Variants in ANKFN1 observed in about 807,000 individuals in gnomAD.
ANKFN1 encodes ankyrin repeat and fibronectin type-III domain-containing protein 1.
In ANKFN1, 74 loss-of-function variants were observed where a neutral mutation model predicts 108.7. That is an observed-to-expected ratio of 0.68 (90% CI 0.56 to 0.83). The LOEUF is 0.83. Among genes scored for constraint, ANKFN1 ranks in the 40% least tolerant of loss-of-function variants. The pLI is 0.00. For synonymous variants in ANKFN1, 547 were observed against 516.2 expected (o/e 1.06, Z -0.81); for missense variants, 1,505 against 1,382.3 (o/e 1.09, Z -1.41).
Position 56,228,122 on chromosome 17 carries a change from A to G in ANKFN1, c.53+165A>G, listed in dbSNP as rs972004378. ...CTATTGATTTGTATAACATCATGGAACATTTCAGAAACCAATTTGGAAGCA... is the reference window on the plus strand; with the variant it reads ...CTATTGATTTGTATAACATCATGGAGCATTTCAGAAACCAATTTGGAAGCA... On this transcript the variant is annotated intron_variant, in intron 3 of 20. Transcript: ENST00000682825. 3 of 569,256 alleles carry G rather than the reference A, an allele frequency of 5.3e-6. No homozygotes were observed. The African/African-American group carries it at 5.9e-5, about 11-fold the overall frequency. The allele number at this position is 569,256 out of a possible 1,614,324, so 35.3% of individuals were successfully genotyped here.
intron 4 of ANKFN1, among the ~76,000 whole-genome samples, chr17:56,349,194 A>G (rs1006432431): frequency 1.3e-5 from 2 of 152,112 alleles, no homozygotes; most frequent in Non-Finnish European, 2.9e-5. Flanking sequence ...ACATGGACAC[A>G]TGGCGAGGAA....
At chr17:56,073,122 A>C (rs142476440) in intron 4 of ANKFN1, among the ~76,000 whole-genome samples, 3,833 of 150,732 alleles carry the variant, frequency 0.025, 66 homozygotes, top group Non-Finnish European at 0.041. Flanking sequence ...CCTCCCAAGT[A>C]GCTGGGACTA....
At chr17:56,482,774 T>G (rs1416546105) in intron 18 of ANKFN1, 3 of 363,260 alleles carry the variant, frequency 8.3e-6, no homozygotes, top group Non-Finnish European at 9.7e-6. Context: ...GAAAGTTCAG[T>G]TATCAGGCTG....
intron 8 of ANKFN1, among the ~76,000 whole-genome samples, chr17:56,402,410 G>A (rs1415616894): frequency 1.3e-5 from 2 of 152,056 alleles, no homozygotes; most frequent in African/African-American, 4.8e-5. Context: ...CCTGATTTAA[G>A]CAAGGAGGGT....
chr17:56,477,474 T>A lies in ANKFN1; in HGVS notation c.1774-14T>A. Reference sequence around the variant, plus strand: ...TTTCTTGTTTTCTTTTTTTTTTTTTTTTTAACCCTACAGGATATTCTATCC... The same window carrying A: ...TTTCTTGTTTTCTTTTTTTTTTTTTATTTAACCCTACAGGATATTCTATCC... On this transcript the variant is annotated splice_polypyrimidine_tract_variant and intron_variant, in intron 15 of 20. Transcript: ENST00000682825. 6.7e-7 allele frequency: 1 copy of A among 1,494,266 alleles called. No individual in the cohort carries two copies. The highest frequency in any genetic ancestry group is 8.9e-7 in the Non-Finnish European group (1 of 1,127,486). The allele number at this position is 1,494,266 out of a possible 1,614,324, so 92.6% of individuals were successfully genotyped here. A position where few individuals can be genotyped will look rare whatever the true frequency, so the allele number is the denominator to read the frequency against.
chr17:56,396,460 A>C (rs1410915941), intron 8 of ANKFN1, among the ~76,000 whole-genome samples: 1 of 152,226 alleles, frequency 6.6e-6, no homozygotes, highest in East Asian at 1.9e-4. Context: ...AAAAAAAAGA[A>C]CATCGAACAT....
chr17:56,499,298 A>G (rs2051294699), intron 20 of ANKFN1, among the ~76,000 whole-genome samples, 200 bp downstream of exon 20: 1 of 152,176 alleles, frequency 6.6e-6, no homozygotes, highest in Non-Finnish European at 1.5e-5. Context: ...CCTAAGATCA[A>G]TGCCATTTAG....
chr17:56,129,597 T>C (rs1598118723), intron 4 of ANKFN1, among the ~76,000 whole-genome samples: 1 of 152,366 alleles, frequency 6.6e-6, no homozygotes, highest in East Asian at 1.9e-4. Context: ...AATAGAACTT[T>C]ACCCATGTAT....
At chr17:56,385,530 A>G (rs1007546777) in intron 8 of ANKFN1, among the ~76,000 whole-genome samples, 5 of 152,308 alleles carry the variant, frequency 3.3e-5, no homozygotes, top group African/African-American at 9.6e-5. Context: ...AGAGTGAACA[A>G]GCAACCTACA....
chr17:56,255,319 T>G (rs1218505248), intron 3 of ANKFN1, among the ~76,000 whole-genome samples: 1 of 152,118 alleles, frequency 6.6e-6, no homozygotes, highest in Non-Finnish European at 1.5e-5. Flanking sequence ...TTTTCTCAGA[T>G]TCCTCCCTAT....
chr17:56,372,051 G>A (rs575052463), intron 6 of ANKFN1, among the ~76,000 whole-genome samples: 5 of 152,240 alleles, frequency 3.3e-5, no homozygotes, highest in Admixed American at 3.3e-4. Flanking sequence ...GCTCAACTGT[G>A]GCAGCAGTAG....
chr17:56,113,794 T>A (rs906985098), intron 4 of ANKFN1, among the ~76,000 whole-genome samples: 1 of 152,038 alleles, frequency 6.6e-6, no homozygotes. Flanking sequence ...CAGGGAGAAA[T>A]AGAGTCTTTG....
chr17:56,148,547 C>T (rs189162475), upstream of ANKFN1, among the ~76,000 whole-genome samples: 48 of 152,144 alleles, frequency 3.2e-4, no homozygotes, highest in East Asian at 9.1e-3. Context: ...ATGTTCTAGT[C>T]GTTTACAAGG....
chr17:56,332,502 T>C (rs562302512), intron 4 of ANKFN1, among the ~76,000 whole-genome samples: 1 of 152,348 alleles, frequency 6.6e-6, no homozygotes, highest in Admixed American at 6.5e-5. Flanking sequence ...TTTACATTTT[T>C]CAGTATGGAT....
intron 4 of ANKFN1, among the ~76,000 whole-genome samples, chr17:56,145,102 AG>A (rs1373456082): frequency 6.6e-6 from 1 of 152,168 alleles, no homozygotes; most frequent in Admixed American, 6.5e-5. Context: ...CCCACACAAA[AG>A]GGGTAGGTGT....
chr17:56,395,112 G>T (rs929082126), intron 8 of ANKFN1, among the ~76,000 whole-genome samples: 1 of 152,110 alleles, frequency 6.6e-6, no homozygotes, highest in East Asian at 1.9e-4. Context: ...AATAATGTAG[G>T]CTCCTTATAT....
intron 8 of ANKFN1, among the ~76,000 whole-genome samples, chr17:56,383,624 G>A (rs1176111390): frequency 3.3e-5 from 5 of 152,206 alleles, no homozygotes; most frequent in African/African-American, 9.6e-5. Context: ...TCAAATAGAT[G>A]CAATAAAAAA....
intron 18 of ANKFN1, among the ~76,000 whole-genome samples, chr17:56,486,384 A>G (rs1598706154): frequency 1.3e-5 from 2 of 152,320 alleles, no homozygotes; most frequent in Non-Finnish European, 2.9e-5. Context: ...ACTCTCTAAT[A>G]CAATGATTAT....
intron 3 of ANKFN1, among the ~76,000 whole-genome samples, chr17:56,304,901 T>C (rs191123191): frequency 2.4e-4 from 36 of 152,314 alleles, no homozygotes; most frequent in Admixed American, 5.9e-4. Context: ...TATTTGGTTT[T>C]TATTCTTGAG....
Sources: allele counts gnomAD v4.1 joint callset (sites outside exome capture counted in the v4.1 genomes callset), GRCh38; gene constraint gnomAD v4.1.1; transcripts MANE v1.5; gene names NCBI Gene and HGNC (gene_info 2026-07-23, HGNC 2026-07-21).